The following DCBLD1 variants were observed in gnomAD, a reference collection of about 807,000 sequenced individuals.
The protein encoded by DCBLD1 is discoidin, CUB and LCCL domain containing 1, also known as discoidin, CUB and LCCL domain-containing protein 1.
Under a neutral mutation model 71.5 loss-of-function variants are expected in DCBLD1, and 57 were observed. The observed-to-expected ratio is 0.80, with a 90% CI of 0.64 to 0.99. The LOEUF is 0.99. Ranked by LOEUF, DCBLD1 falls within the 50% of genes least tolerant of loss-of-function variation. DCBLD1 has a pLI of 0.00. For missense variants in DCBLD1, 891 were observed against 923.5 expected (o/e 0.96, Z 0.46); for synonymous variants, 380 against 363.8 (o/e 1.04, Z -0.51).
At chr6:117,527,925 C>A (rs184698900) in intron 5 of DCBLD1, among the ~76,000 whole-genome samples, 1 of 152,282 alleles carries the variant, frequency 6.6e-6, no homozygotes, top group African/African-American at 2.4e-5. Context: ...CTCTTAAGAT[C>A]TGCCTCACCT....
intron 2 of DCBLD1, among the ~76,000 whole-genome samples, chr6:117,511,084 C>T (rs972606415): frequency 6.6e-6 from 1 of 152,090 alleles, no homozygotes; most frequent in Non-Finnish European, 1.5e-5. Flanking sequence ...CTCAAATGCC[C>T]AGAGGCCCTA....
At chr6:117,501,954 GT>G (rs1259461510) in intron 1 of DCBLD1, among the ~76,000 whole-genome samples, 2 of 152,086 alleles carry the variant, frequency 1.3e-5, no homozygotes, top group East Asian at 1.9e-4. Context: ...AGGCCTTGGT[GT>G]TTTTTCTCCT....
chr6:117,535,712 G>A (rs1024278525), intron 6 of DCBLD1, among the ~76,000 whole-genome samples: 3 of 152,022 alleles, frequency 2.0e-5, no homozygotes, highest in Non-Finnish European at 4.4e-5. Context: ...TAGGGTCGCC[G>A]CAGCATTATT....
At chr6:117,498,978 A>G (rs1436742856) in intron 1 of DCBLD1, among the ~76,000 whole-genome samples, 2 of 152,296 alleles carry the variant, frequency 1.3e-5, no homozygotes, top group Admixed American at 6.5e-5. Flanking sequence ...GCTATGGCAC[A>G]TAAGTGTCTT....
intron 5 of DCBLD1, among the ~76,000 whole-genome samples, chr6:117,531,279 A>C (rs1322230182): frequency 6.6e-6 from 1 of 152,240 alleles, no homozygotes; most frequent in Non-Finnish European, 1.5e-5. Flanking sequence ...TGGCATTAAT[A>C]GTCATGAAGA....
At chr6:117,486,766 G>A (rs1777099976) in intron 1 of DCBLD1, among the ~76,000 whole-genome samples, 1 of 152,170 alleles carries the variant, frequency 6.6e-6, no homozygotes, top group Non-Finnish European at 1.5e-5. Context: ...TTAGCTTTCA[G>A]TTTTCTCTAG....
chr6:117,521,404 G>T, intron 3 of DCBLD1, 121 bp from the exon 4 acceptor site: 1 of 778,158 alleles, frequency 1.3e-6, no homozygotes. Flanking sequence ...GGAAAATTCT[G>T]ATAACTACAT....
In DCBLD1 at chr6:117,519,820, A is replaced by C; in HGVS notation, c.330A>C (p.Pro110=). 1 of 1,612,706 alleles carries C rather than the reference A, an allele frequency of 6.2e-7. No individual in the cohort carries two copies. The highest frequency in any genetic ancestry group is 8.5e-7 in the Non-Finnish European group (1 of 1,178,776). Residue 110 remains proline (P), a synonymous_variant, in exon 3 of 15, where the codon CCA becomes CCC. Coordinates refer to ENST00000338728, the MANE Select transcript of DCBLD1 (RefSeq NM_001366458.2). ...ACAAGTGTGCTTTGTTTTTAGGTCC[A>C]TACTGTGGAAGTATGACTGTTCCCA... ...LFTSSSDQYG[P]YCGSMTVPKE...
intron 1 of DCBLD1, among the ~76,000 whole-genome samples, chr6:117,488,954 A>G (rs1395658893): frequency 6.6e-6 from 1 of 152,176 alleles, no homozygotes; most frequent in Non-Finnish European, 1.5e-5. Context: ...TAATCTCGTT[A>G]TTAGCTATTT....
chr6:117,493,489 T>C (rs1777366254), intron 1 of DCBLD1, among the ~76,000 whole-genome samples: 1 of 152,206 alleles, frequency 6.6e-6, no homozygotes, highest in Non-Finnish European at 1.5e-5. Context: ...ATGATAGAAC[T>C]TCTCATATCA....
Position 117,548,491 on chromosome 6 carries a change from G to A in DCBLD1, c.*52G>A. ...GTACTGAGCGTCGGGCTGTCACAAG[G>A]CACTGGAAGAAGGGAGCCTGCTGGT... On this transcript the variant is annotated 3_prime_UTR_variant, in exon 15 of 15. Coordinates refer to ENST00000338728, the MANE Select transcript of DCBLD1 (RefSeq NM_001366458.2). The A allele has an allele frequency of 6.5e-7, 1 of 1,545,698 alleles. No homozygotes were observed. The highest frequency in any genetic ancestry group is 1.2e-5 in the South Asian group (1 of 83,870).
intron 5 of DCBLD1, 114 bp downstream of exon 5, chr6:117,525,548 T>C (rs1224734954): frequency 2.9e-6 from 2 of 684,632 alleles, no homozygotes; most frequent in East Asian, 6.4e-5. Flanking sequence ...GATAGATGCA[T>C]GAGTCTCTCT....
intron 1 of DCBLD1, among the ~76,000 whole-genome samples, chr6:117,489,690 A>G (rs934956467): frequency 6.6e-6 from 1 of 152,068 alleles, no homozygotes; most frequent in Admixed American, 6.6e-5. Flanking sequence ...CAAGACCATC[A>G]TGGTCTAACT....
intron 12 of DCBLD1, 63 bp from the exon 13 acceptor site, chr6:117,544,465 A>G: frequency 6.5e-7 from 1 of 1,542,498 alleles, no homozygotes; most frequent in East Asian, 2.2e-5. Flanking sequence ...CTTATGTTAT[A>G]TAGGGAGAGA....
At chr6:117,535,665 CA>C (rs935870481) in intron 6 of DCBLD1, among the ~76,000 whole-genome samples, 7 of 152,052 alleles carry the variant, frequency 4.6e-5, no homozygotes, top group Non-Finnish European at 8.8e-5. Flanking sequence ...TGGTCAACAA[CA>C]AAATTAATGT....
At chr6:117,529,402 C>T (rs991099856) in intron 5 of DCBLD1, among the ~76,000 whole-genome samples, 4 of 152,018 alleles carry the variant, frequency 2.6e-5, no homozygotes, top group African/African-American at 7.3e-5. Context: ...GTTGTAGAGA[C>T]GTTCTGCTCT....
At chr6:117,495,620 T>C (rs183886103) in intron 1 of DCBLD1, among the ~76,000 whole-genome samples, 2 of 152,310 alleles carry the variant, frequency 1.3e-5, no homozygotes, top group African/African-American at 4.8e-5. Flanking sequence ...TTATGCTCTG[T>C]CACCTCCCAA....
chr6:117,500,878 AC>A lies in DCBLD1; in HGVS notation c.113-2886del, dbSNP rs567891460. ...ACTTCGTCTCAAAAAAAACAGTGAC[AC>A]CCTAAGATTTTCTTTTGCTGACACA... On this transcript the variant is annotated intron_variant, in intron 1 of 14. Transcript: ENST00000338728. Among the ~76,000 whole-genome samples, 236 of 152,086 alleles carry A rather than the reference AC, an allele frequency of 1.6e-3. 2 individuals are homozygous for A. Among genetic ancestry groups the A allele is most frequent in the African/African-American group, 5.4e-3 (226 of 41,498 alleles).
intron 11 of DCBLD1, 46 bp from the exon 12 acceptor site, chr6:117,543,078 T>G: frequency 6.7e-7 from 1 of 1,503,236 alleles, no homozygotes; most frequent in Non-Finnish European, 9.3e-7. Flanking sequence ...GAAAAGTGGT[T>G]GTTGGTCATT....
Sources: allele counts gnomAD v4.1 joint callset (sites outside exome capture counted in the v4.1 genomes callset), GRCh38; gene constraint gnomAD v4.1.1; transcripts MANE v1.5; gene names NCBI Gene and HGNC (gene_info 2026-07-23, HGNC 2026-07-21).